Variants in SMYD1 observed in about 807,000 individuals in gnomAD.
SMYD1 encodes the protein histone-lysine N-methyltransferase SMYD1.
Under a neutral mutation model 54.0 loss-of-function variants are expected in SMYD1, and 49 were observed. That is an observed-to-expected ratio of 0.91 (90% confidence interval 0.72 to 1.15). SMYD1 has a LOEUF of 1.15. Among genes scored for constraint, SMYD1 ranks in the 50% most tolerant of loss-of-function variants. SMYD1 has a pLI of 0.00. For missense variants in SMYD1, 653 were observed against 639.6 expected (o/e 1.02, Z -0.23); for synonymous variants, 269 against 234.2 (o/e 1.15, Z -1.36).
chr2:88,106,170 A>C (rs904387656), intron 7 of SMYD1, among the ~76,000 whole-genome samples, 155 bp from the exon 8 acceptor site: 15 of 152,076 alleles, frequency 9.9e-5, no homozygotes, highest in African/African-American at 3.6e-4. Context: ...ACCACTTTGC[A>C]ATTCATACCC....
chr2:88,092,290 A>C (rs1674480092), intron 4 of SMYD1, among the ~76,000 whole-genome samples: 1 of 152,062 alleles, frequency 6.6e-6, no homozygotes, highest in South Asian at 2.1e-4. Flanking sequence ...AGGGCACATG[A>C]TGGATTTGGG....
Position 88,111,976 on chromosome 2 carries a change from C to A in SMYD1, c.*1464C>A, listed in dbSNP as rs934605532. ...AATGTTAGCTTCTCCATCCTCACCACATGATGACCTGCTGTGTCCCTCTGA... is the reference window on the plus strand; with the variant it reads ...AATGTTAGCTTCTCCATCCTCACCAAATGATGACCTGCTGTGTCCCTCTGA... On this transcript the variant is annotated 3_prime_UTR_variant, in exon 10 of 10. Transcript: ENST00000419482. 4.4e-5 allele frequency: 30 copies of A among 688,148 alleles called. No individual in the cohort carries two copies. Among genetic ancestry groups the A allele is most frequent in the African/African-American group, 3.9e-4 (22 of 57,004 alleles). 42.6% of individuals were successfully genotyped at this position (688,148 alleles called of 1,614,324 possible).
chr2:88,089,585 GTTTTTTT>G (rs59808789), intron 3 of SMYD1, among the ~76,000 whole-genome samples: 1 of 107,000 alleles, frequency 9.3e-6, no homozygotes, highest in African/African-American at 3.4e-5. Flanking sequence ...GCTTCTACCT[GTTTTTTT>G]TTTTTTTTTT....
At chr2:88,086,056 T>C (rs566128078) in intron 2 of SMYD1, among the ~76,000 whole-genome samples, 1 of 152,296 alleles carries the variant, frequency 6.6e-6, no homozygotes, top group African/African-American at 2.4e-5. Flanking sequence ...TGAAGCTACA[T>C]AGGTGATAGC....
intron 6 of SMYD1, among the ~76,000 whole-genome samples, chr2:88,099,241 G>A (rs1169272407): frequency 6.6e-6 from 1 of 152,004 alleles, no homozygotes; most frequent in Non-Finnish European, 1.5e-5. Context: ...GCATGTCACC[G>A]CTGCTGGCTA....
intron 1 of SMYD1, among the ~76,000 whole-genome samples, chr2:88,073,191 AGGAGAAT>A (rs1673987088): frequency 6.6e-6 from 1 of 152,216 alleles, no homozygotes; most frequent in Non-Finnish European, 1.5e-5. Context: ...TAATTTGCTT[AGGAGAAT>A]GGCCTCCAGT....
At chr2:88,095,660 G>A (rs924034788) in intron 5 of SMYD1, among the ~76,000 whole-genome samples, 1 of 152,210 alleles carries the variant, frequency 6.6e-6, no homozygotes, top group Non-Finnish European at 1.5e-5. Context: ...CTACTAGGCA[G>A]GGAGGTCCCA....
chr2:88,096,217 G>A (rs2104002135), intron 5 of SMYD1, among the ~76,000 whole-genome samples: 1 of 152,258 alleles, frequency 6.6e-6, no homozygotes, highest in Non-Finnish European at 1.5e-5. Flanking sequence ...GTTTTTTCTT[G>A]TTTGGAGTTT....
intron 1 of SMYD1, among the ~76,000 whole-genome samples, chr2:88,080,519 C>T (rs1674165258): frequency 6.6e-6 from 1 of 152,190 alleles, no homozygotes; most frequent in Admixed American, 6.5e-5. Context: ...TTGGAACAGA[C>T]AGGCATGGAG....
chr2:88,069,760 C>T (rs539057672), intron 1 of SMYD1, among the ~76,000 whole-genome samples: 1 of 152,108 alleles, frequency 6.6e-6, no homozygotes, highest in African/African-American at 2.4e-5. Context: ...TATCTATTTT[C>T]GGTTTGTTTT....
At chr2:88,101,324 A>G (rs1409916783) in intron 6 of SMYD1, among the ~76,000 whole-genome samples, 1 of 152,268 alleles carries the variant, frequency 6.6e-6, no homozygotes. Flanking sequence ...AGAACTGGTT[A>G]AATAAGTTAT....
At chr2:88,087,097 A>G (rs972080859) in intron 2 of SMYD1, among the ~76,000 whole-genome samples, 5 of 149,980 alleles carry the variant, frequency 3.3e-5, no homozygotes, top group African/African-American at 1.2e-4. Context: ...AAAAAAAAAA[A>G]AGAATACCAA....
chr2:88,100,644 A>G (rs1460342283), intron 6 of SMYD1, among the ~76,000 whole-genome samples: 1 of 150,706 alleles, frequency 6.6e-6, no homozygotes, highest in Admixed American at 6.6e-5. Context: ...TAATTCCAAT[A>G]GGCTTAGGAA....
At chr2:88,077,911 G>C (rs931866630) in intron 1 of SMYD1, among the ~76,000 whole-genome samples, 1 of 152,064 alleles carries the variant, frequency 6.6e-6, no homozygotes, top group African/African-American at 2.4e-5. Flanking sequence ...TTTTAGTAGA[G>C]ACGGGGTTTC....
At chr2:88,103,752 G>A (rs1230928975) in intron 7 of SMYD1, among the ~76,000 whole-genome samples, 1 of 152,092 alleles carries the variant, frequency 6.6e-6, no homozygotes, top group Non-Finnish European at 1.5e-5. Flanking sequence ...CCAAACACTG[G>A]CCTGCGGGGT....
Position 88,112,327 on chromosome 2 carries a change from T to C in SMYD1, c.*1815T>C, listed in dbSNP as rs1674947077. 1.7e-6 allele frequency: 1 copy of C among 597,810 alleles called. No individual in the cohort carries two copies. Among genetic ancestry groups the C allele is most frequent in the African/African-American group, 1.9e-5 (1 of 53,920 alleles). The allele number at this position is 597,810 out of a possible 1,614,324, so 37.0% of individuals were successfully genotyped here. On this transcript the variant is annotated 3_prime_UTR_variant, in exon 10 of 10. Transcript: ENST00000419482. ...TTTTTTCCATCCTATCTTTCTAATA[T>C]TTGTTGTCTTTAACAAACTGTGTTC...
intron 1 of SMYD1, among the ~76,000 whole-genome samples, chr2:88,070,666 G>A (rs1054836586): frequency 1.1e-4 from 17 of 151,952 alleles, no homozygotes; most frequent in Non-Finnish European, 1.6e-4. Context: ...AGTTTTGGCC[G>A]GGTGTGGTGG....
chr2:88,106,621 T>C, intron 8 of SMYD1, 133 bp downstream of exon 8: 2 of 903,372 alleles, frequency 2.2e-6, no homozygotes, highest in Middle Eastern at 2.6e-4. Context: ...ATCATGGTTC[T>C]CTTTTTGACT....
intron 6 of SMYD1, among the ~76,000 whole-genome samples, chr2:88,097,168 G>A (rs1259639276): frequency 3.9e-5 from 6 of 152,196 alleles, no homozygotes; most frequent in Non-Finnish European, 5.9e-5. Flanking sequence ...GAGAATTTAA[G>A]GTGTTCAAAT....
Sources: gnomAD v4.1 joint callset for allele counts (sites outside exome capture counted in the v4.1 genomes callset) on GRCh38, gnomAD v4.1.1 for gene constraint, MANE v1.5 for transcripts, NCBI Gene and HGNC (gene_info 2026-07-23, HGNC 2026-07-21) for gene names.